PRKCA: variants seen among roughly 807,000 people sequenced by gnomAD.
The protein encoded by PRKCA is protein kinase C alpha, also known as protein kinase C alpha type.
A neutral mutation model predicts 87.0 loss-of-function variants in PRKCA; 27 were observed. The observed-to-expected ratio is 0.31, with a 90% CI of 0.23 to 0.43. The LOEUF is 0.43. Among genes scored for constraint, PRKCA ranks in the 20% least tolerant of loss-of-function variants. The pLI is 1.00. For synonymous variants in PRKCA, 329 were observed against 311.1 expected (o/e 1.06, Z -0.61); for missense variants, 518 against 852.3 (o/e 0.61, Z 4.88).
intron 14 of PRKCA, among the ~76,000 whole-genome samples, chr17:66,783,869 G>A (rs546556099): frequency 7.9e-5 from 12 of 152,280 alleles, no homozygotes; most frequent in South Asian, 4.2e-4. Flanking sequence ...TCTTGCTGGC[G>A]CCTTTGTCAC....
intron 8 of PRKCA, among the ~76,000 whole-genome samples, chr17:66,721,044 A>G (rs1973602381): frequency 1.3e-5 from 2 of 152,202 alleles, no homozygotes; most frequent in African/African-American, 4.8e-5. Flanking sequence ...TCATGGAAGA[A>G]AGAATTTGGG....
intron 3 of PRKCA, among the ~76,000 whole-genome samples, chr17:66,628,246 T>C (rs1345786891): frequency 6.6e-6 from 1 of 152,106 alleles, no homozygotes; most frequent in Non-Finnish European, 1.5e-5. Flanking sequence ...CTGGCTTTTA[T>C]CCTTGGGAAC....
intron 2 of PRKCA, among the ~76,000 whole-genome samples, chr17:66,323,453 T>C (rs1905798864): frequency 6.6e-6 from 1 of 152,230 alleles, no homozygotes; most frequent in African/African-American, 2.4e-5. Context: ...TAAAATGGTT[T>C]ATGTTAAATT....
chr17:66,368,167 A>G (rs1908841790), intron 2 of PRKCA, among the ~76,000 whole-genome samples: 1 of 151,954 alleles, frequency 6.6e-6, no homozygotes, highest in African/African-American at 2.4e-5. Flanking sequence ...TACCTTGTAC[A>G]GAATTCTGTG....
intron 3 of PRKCA, among the ~76,000 whole-genome samples, chr17:66,533,727 C>T (rs1015349865): frequency 6.6e-6 from 1 of 152,108 alleles, no homozygotes; most frequent in Non-Finnish European, 1.5e-5. Flanking sequence ...AGACCCCGTT[C>T]CTTTTGCGAG....
chr17:66,762,270 C>G (rs749429567), intron 13 of PRKCA, among the ~76,000 whole-genome samples: 4 of 152,188 alleles, frequency 2.6e-5, no homozygotes, highest in Non-Finnish European at 5.9e-5. Flanking sequence ...CTGCTTATTT[C>G]TGGTAGGCCA....
intron 3 of PRKCA, among the ~76,000 whole-genome samples, chr17:66,633,481 G>A (rs1195941366): frequency 6.6e-6 from 1 of 151,610 alleles, no homozygotes; most frequent in Non-Finnish European, 1.5e-5. Context: ...GAACACATCA[G>A]ATGGTGACAG....
At chr17:66,656,496 A>G (rs1414652669) in intron 5 of PRKCA, among the ~76,000 whole-genome samples, 1 of 150,262 alleles carries the variant, frequency 6.7e-6, no homozygotes, top group Non-Finnish European at 1.5e-5. Context: ...TTTAAGCACA[A>G]GATTAATTGC....
intron 5 of PRKCA, among the ~76,000 whole-genome samples, chr17:66,685,157 C>T (rs1431242667): frequency 1.3e-5 from 2 of 152,100 alleles, no homozygotes; most frequent in African/African-American, 2.4e-5. Flanking sequence ...GCACTCACAC[C>T]ATGGATTTAT....
chr17:66,481,084 C>T (rs1246005034), intron 2 of PRKCA, among the ~76,000 whole-genome samples: 2 of 152,094 alleles, frequency 1.3e-5, no homozygotes, highest in Non-Finnish European at 2.9e-5. Flanking sequence ...TCATTCTCAG[C>T]ACTAGCGTCA....
At chr17:66,589,454 A>G (rs1249926600) in intron 3 of PRKCA, among the ~76,000 whole-genome samples, 1 of 152,160 alleles carries the variant, frequency 6.6e-6, no homozygotes, top group Non-Finnish European at 1.5e-5. Flanking sequence ...GCTGTGTAGT[A>G]TTCCATTGTT....
intron 2 of PRKCA, among the ~76,000 whole-genome samples, chr17:66,405,062 G>A (rs573838935): frequency 6.6e-6 from 1 of 152,112 alleles, no homozygotes; most frequent in African/African-American, 2.4e-5. Flanking sequence ...GAGAGGGGTA[G>A]GCCTTTTTGA....
chr17:66,674,504 C>A (rs1362677508), intron 5 of PRKCA, among the ~76,000 whole-genome samples: 4 of 152,162 alleles, frequency 2.6e-5, no homozygotes, highest in Non-Finnish European at 4.4e-5. Context: ...AGGTTGCATG[C>A]AGTTAAATAT....
In PRKCA at chr17:66,447,575, A is replaced by G. The variant is rs982635452; in HGVS notation, c.206-48626A>G. Reference sequence around the variant, plus strand: ...GTTGTTAAAAGAGCAGGGTGGTAGCATAGATGACAGGCGTTCATAAAGCAC... The same window carrying G: ...GTTGTTAAAAGAGCAGGGTGGTAGCGTAGATGACAGGCGTTCATAAAGCAC... On this transcript the variant is annotated intron_variant, in intron 2 of 16. Transcript: ENST00000413366. Among the ~76,000 whole-genome samples, 27 of 152,236 alleles carry G rather than the reference A, an allele frequency of 1.8e-4. 1 individual carries two copies. Among genetic ancestry groups the G allele is most frequent in the Non-Finnish European group, 3.2e-4 (22 of 68,042 alleles).
At chr17:66,592,069 T>C (rs1444593907) in intron 3 of PRKCA, among the ~76,000 whole-genome samples, 2 of 152,132 alleles carry the variant, frequency 1.3e-5, no homozygotes, top group Non-Finnish European at 1.5e-5. Context: ...TATTAAAAGT[T>C]ACCAGCTGAG....
chr17:66,780,412 C>T (rs1272612250), intron 14 of PRKCA, among the ~76,000 whole-genome samples: 1 of 152,166 alleles, frequency 6.6e-6, no homozygotes, highest in African/African-American at 2.4e-5. Flanking sequence ...TACGGTGGTT[C>T]ACACCTATAG....
chr17:66,593,036 C>T (rs775485008), intron 3 of PRKCA, among the ~76,000 whole-genome samples: 1 of 152,174 alleles, frequency 6.6e-6, no homozygotes, highest in Non-Finnish European at 1.5e-5. Context: ...ATGATCCACC[C>T]GCCTCAGCCT....
In PRKCA at chr17:66,691,897, G is replaced by A. The variant is rs138009153; in HGVS notation, c.918+2850G>A. 1.0e-3 allele frequency among the ~76,000 whole-genome samples: 157 copies of A among 152,328 alleles called. 1 individual carries two copies. The Middle Eastern group carries it at 0.017, about 17-fold the overall frequency. On this transcript the variant is annotated intron_variant, in intron 8 of 16. Coordinates refer to ENST00000413366, the MANE Select transcript of PRKCA (RefSeq NM_002737.3). Reference sequence around the variant, plus strand: ...GACCCACTCTTTGTGCTTCATTGTCGTGGCTTCCTGGTGAGTAAACTTCCT... The same window carrying A: ...GACCCACTCTTTGTGCTTCATTGTCATGGCTTCCTGGTGAGTAAACTTCCT...
chr17:66,667,583 C>T (rs533697105), intron 5 of PRKCA, among the ~76,000 whole-genome samples: 1 of 152,302 alleles, frequency 6.6e-6, no homozygotes, highest in South Asian at 2.1e-4. Context: ...CCTCCCACAA[C>T]ACATGGGGAT....
Sources: gnomAD v4.1 joint callset for allele counts (sites outside exome capture counted in the v4.1 genomes callset) on GRCh38, gnomAD v4.1.1 for gene constraint, MANE v1.5 for transcripts, NCBI Gene and HGNC (gene_info 2026-07-23, HGNC 2026-07-21) for gene names.